Variants in GALNT13 observed in about 807,000 individuals in gnomAD.
The protein encoded by GALNT13 is UDP-GalNAc:polypeptide N-acetylgalactosaminyltransferase 13.
In GALNT13, 28 loss-of-function variants were observed where a neutral mutation model predicts 64.2. That is an observed-to-expected ratio of 0.44 (90% CI 0.32 to 0.60). GALNT13 has a LOEUF of 0.60. GALNT13 is among the 20% of genes least tolerant of loss of function. The pLI is 0.05. For synonymous variants in GALNT13, 214 were observed against 224.6 expected (o/e 0.95, Z 0.42); for missense variants, 577 against 669.8 (o/e 0.86, Z 1.53).
At chr2:153,764,462 G>A in the GALNT13 span, among the ~76,000 whole-genome samples, 3 of 152,084 alleles carry the variant, frequency 2.0e-5, no homozygotes, top group Admixed American at 6.6e-5. Flanking sequence ...CTGGAATCTG[G>A]GAGGTGGAGG....
At chr2:153,434,411 T>C in the GALNT13 span, among the ~76,000 whole-genome samples, 1 of 152,292 alleles carries the variant, frequency 6.6e-6, no homozygotes, top group Non-Finnish European at 1.5e-5. Context: ...CCACACCGAC[T>C]TCCACAATGG....
chr2:153,163,523 C>G, the GALNT13 span, among the ~76,000 whole-genome samples: 3 of 152,038 alleles, frequency 2.0e-5, no homozygotes, highest in Admixed American at 2.0e-4. Context: ...GGCCTGGGGT[C>G]CCAACTAAGC....
At chr2:153,147,905 G>C in the GALNT13 span, among the ~76,000 whole-genome samples, 1 of 151,924 alleles carries the variant, frequency 6.6e-6, no homozygotes, top group South Asian at 2.1e-4. Flanking sequence ...GGAGCTCAAT[G>C]CTGTAAGTAC....
At chr2:154,238,190 G>A (rs1258823539) in intron 4 of GALNT13, among the ~76,000 whole-genome samples, 2 of 151,956 alleles carry the variant, frequency 1.3e-5, no homozygotes, top group South Asian at 2.1e-4. Context: ...ATCCACAAGA[G>A]GTTGACACTG....
intron 4 of GALNT13, among the ~76,000 whole-genome samples, chr2:154,187,801 A>G (rs1293066787): frequency 6.6e-6 from 1 of 152,200 alleles, no homozygotes; most frequent in Admixed American, 6.5e-5. Flanking sequence ...TTTTAATGTT[A>G]TAATTAAAAT....
chr2:153,838,692 G>A, the GALNT13 span, among the ~76,000 whole-genome samples: 32 of 152,038 alleles, frequency 2.1e-4, 1 homozygote, highest in African/African-American at 7.2e-4. Context: ...AAATCAGGTA[G>A]TGTGATGCAT....
At chr2:153,744,537 C>T in the GALNT13 span, among the ~76,000 whole-genome samples, 2 of 152,006 alleles carry the variant, frequency 1.3e-5, no homozygotes, top group Admixed American at 6.6e-5. Flanking sequence ...AGATTTACAC[C>T]TACAGAGTTG....
chr2:154,411,124 A>G (rs1699772589), intron 11 of GALNT13, among the ~76,000 whole-genome samples: 1 of 151,844 alleles, frequency 6.6e-6, no homozygotes, highest in African/African-American at 2.4e-5. Flanking sequence ...CATTGCCAAG[A>G]AATAATGAGC....
In GALNT13 at chr2:154,116,770, A is replaced by G. The variant is rs1013717799; in HGVS notation, c.143-23567A>G. Among the ~76,000 whole-genome samples the G allele has an allele frequency of 3.3e-5, 5 of 152,266 alleles. No individual in the cohort carries two copies. The East Asian group carries it at 9.7e-4, about 29-fold the overall frequency. ...TGGGGTTTAATCATATTAAGCAGTC[A>G]ACTTCAGAAACCCCCGAACCAATGA... On this transcript the variant is annotated intron_variant, in intron 3 of 12. Transcript: ENST00000392825.
At chr2:153,944,050 G>A (rs1417112627) in intron 2 of GALNT13, among the ~76,000 whole-genome samples, 1 of 152,162 alleles carries the variant, frequency 6.6e-6, no homozygotes, top group African/African-American at 2.4e-5. Context: ...TGGCTAGTCA[G>A]AAGTACTGAA....
At chr2:154,434,372 G>A (rs183892647) in intron 11 of GALNT13, among the ~76,000 whole-genome samples, 3 of 152,136 alleles carry the variant, frequency 2.0e-5, no homozygotes, top group South Asian at 4.2e-4. Context: ...CCATTCTCCT[G>A]CCTCAGCCTC....
chr2:153,244,344 G>T, the GALNT13 span, among the ~76,000 whole-genome samples: 6 of 152,194 alleles, frequency 3.9e-5, no homozygotes, highest in African/African-American at 1.4e-4. Flanking sequence ...ATTATAAATT[G>T]TGTTTCTGAA....
chr2:154,293,396 C>T (rs1692751138), intron 8 of GALNT13, among the ~76,000 whole-genome samples: 1 of 152,114 alleles, frequency 6.6e-6, no homozygotes, highest in African/African-American at 2.4e-5. Context: ...TTTTTAAGAC[C>T]TGAATAAAAT....
chr2:153,540,613 C>T, the GALNT13 span, among the ~76,000 whole-genome samples: 25 of 152,308 alleles, frequency 1.6e-4, no homozygotes, highest in South Asian at 8.3e-4. Context: ...AAGCAGCCCC[C>T]GGGCCTGTAT....
At chr2:153,266,409 G>A in the GALNT13 span, among the ~76,000 whole-genome samples, 1 of 152,062 alleles carries the variant, frequency 6.6e-6, no homozygotes, top group South Asian at 2.1e-4. Flanking sequence ...TTTTGTATTA[G>A]TTCATTTTCA....
chr2:153,425,023 C>T, the GALNT13 span, among the ~76,000 whole-genome samples: 1 of 151,716 alleles, frequency 6.6e-6, no homozygotes, highest in African/African-American at 2.4e-5. Flanking sequence ...GAATACTTAA[C>T]ATTTGATACC....
At chr2:153,250,702 C>CA in the GALNT13 span, among the ~76,000 whole-genome samples, 2 of 152,052 alleles carry the variant, frequency 1.3e-5, no homozygotes, top group Admixed American at 6.6e-5. Context: ...TATACAGCCA[C>CA]AAAAAAGAAT....
At chr2:153,122,158 CTTAAA>C in the GALNT13 span, among the ~76,000 whole-genome samples, 3 of 151,992 alleles carry the variant, frequency 2.0e-5, no homozygotes, top group East Asian at 5.8e-4. Context: ...TTTTAGATTT[CTTAAA>C]TTATAGTTCC....
At chr2:154,210,260 A>T (rs886753388) in intron 4 of GALNT13, among the ~76,000 whole-genome samples, 7 of 152,220 alleles carry the variant, frequency 4.6e-5, no homozygotes, top group African/African-American at 1.7e-4. Context: ...GTTCGATATC[A>T]TATATTAACT....
Sources: gnomAD v4.1 joint callset for allele counts (sites outside exome capture counted in the v4.1 genomes callset) on GRCh38, gnomAD v4.1.1 for gene constraint, MANE v1.5 for transcripts, NCBI Gene and HGNC (gene_info 2026-07-23, HGNC 2026-07-21) for gene names.